FAHD1: variants seen among roughly 807,000 people sequenced by gnomAD.
The protein encoded by FAHD1 is FAH domain containing oxaloacetate decarboxylase 1.
Under a neutral mutation model 12.7 loss-of-function variants are expected in FAHD1, and 14 were observed. The ratio of observed to expected loss-of-function variants is 1.10; its 90% CI spans 0.73 to 1.72. FAHD1 has a LOEUF of 1.72. Among genes scored for constraint, FAHD1 ranks in the 40% most tolerant of loss-of-function variants. FAHD1 has a pLI of 0.00. For missense variants in FAHD1, 351 were observed against 298.9 expected, an observed-to-expected ratio of 1.17 and a Z score of -1.29; for synonymous variants, 153 against 124.9, an observed-to-expected ratio of 1.22 and a Z score of -1.50.
downstream of FAHD1, among the ~76,000 whole-genome samples, chr16:1,833,171 G>A (rs1049128756): frequency 8.5e-5 from 13 of 152,154 alleles, no homozygotes; most frequent in African/African-American, 3.1e-4. Context: ...TCAATGGTGT[G>A]CAGTTGAGCC....
intron 2 of FAHD1, chr16:1,839,156 C>T: frequency 7.3e-7 from 1 of 1,360,780 alleles, no homozygotes; most frequent in East Asian, 2.6e-5. Context: ...ATTAGTGAAT[C>T]AATTTCTATC....
exon 3 of FAHD1, chr16:1,840,192 A>G (rs998054797): frequency 6.6e-6 from 1 of 152,208 alleles, no homozygotes; most frequent in Non-Finnish European, 1.5e-5. Flanking sequence ...TCAATAATAA[A>G]TGTACAGGAA....
downstream of FAHD1, among the ~76,000 whole-genome samples, chr16:1,832,178 C>CTTTTTTTTTTTTT (rs57889123): frequency 4.6e-5 from 5 of 108,816 alleles, no homozygotes; most frequent in Admixed American, 1.1e-4. Flanking sequence ...TATGGTCATT[C>CTTTTTTTTTTTTT]TTTTTTTTTT....
At chr16:1,831,493 C>A (rs72762862), downstream of FAHD1, among the ~76,000 whole-genome samples, 4 of 152,060 alleles carry the variant, frequency 2.6e-5, no homozygotes, top group African/African-American at 7.2e-5. Flanking sequence ...CTTTCCATAG[C>A]TTCCTCAGGT....
At chr16:1,827,652 T>C (rs772186508) in exon 1 of FAHD1, 2 of 1,614,106 alleles carry the variant, frequency 1.2e-6, no homozygotes, top group South Asian at 1.1e-5. Flanking sequence ...AGAAGATCCC[T>C]GACCCTCACA....
intron 2 of FAHD1, chr16:1,839,116 A>T: frequency 1.0e-6 from 1 of 995,264 alleles, no homozygotes; most frequent in South Asian, 1.9e-5. Flanking sequence ...ATGTGTGTTT[A>T]AAGCAAGATG....
exon 1 of FAHD1, chr16:1,827,943 A>G: frequency 6.3e-7 from 1 of 1,590,170 alleles, no homozygotes; most frequent in Non-Finnish European, 8.6e-7. Flanking sequence ...AGGGAGCAAG[A>G]CAAGAGCAAG....
chr16:1,827,826 T>G, exon 1 of FAHD1: 1 of 1,614,084 alleles, frequency 6.2e-7, no homozygotes, highest in Non-Finnish European at 8.5e-7. Flanking sequence ...TTGGACCGGT[T>G]AAAGAAAACG....
downstream of FAHD1, among the ~76,000 whole-genome samples, chr16:1,832,175 A>ATTTT (rs1567269584): frequency 3.5e-4 from 3 of 8,476 alleles, no homozygotes; most frequent in Non-Finnish European, 4.5e-4. Context: ...GGCTATGGTC[A>ATTTT]TTCTTTTTTT....
intron 1 of FAHD1, among the ~76,000 whole-genome samples, chr16:1,835,549 G>A (rs11645599): frequency 0.18 from 27,041 of 152,106 alleles, 2,563 homozygotes; most frequent in South Asian, 0.27. Flanking sequence ...AAGACTTTAA[G>A]TGGGCAATAA....
At chr16:1,832,117 G>GT (rs912026496), downstream of FAHD1, among the ~76,000 whole-genome samples, 1 of 150,266 alleles carries the variant, frequency 6.7e-6, no homozygotes, top group Non-Finnish European at 1.5e-5. Flanking sequence ...TGACAAGACT[G>GT]TTTAAGAATA....
exon 1 of FAHD1, chr16:1,828,053 G>C: frequency 2.9e-6 from 4 of 1,398,286 alleles, no homozygotes; most frequent in Non-Finnish European, 2.8e-6. Flanking sequence ...AGGCCGAGGC[G>C]GGCGGCTCAC....
chr16:1,828,297 A>T lies in FAHD1; in HGVS notation c.*393A>T, dbSNP rs560650084. ...CTCAAAAAAAAAAAAAAAAAAAGAA[A>T]CCATTTATTTTAAAAATGATTAGAT... On this transcript the variant is annotated 3_prime_UTR_variant, in exon 1 of 1. Transcript: ENST00000427358. 5.5e-5 allele frequency: 55 copies of T among 1,004,680 alleles called. No homozygotes were observed. In the African/African-American group the frequency reaches 9.1e-4, roughly 17 times the overall value. 62.2% of individuals were successfully genotyped at this position (1,004,680 alleles called of 1,614,324 possible).
Position 1,828,882 on chromosome 16 carries a change from G to C in FAHD1, c.*978G>C, listed in dbSNP as rs79681924. On this transcript the variant is annotated 3_prime_UTR_variant, in exon 1 of 1. Coordinates refer to ENST00000427358, the Ensembl canonical transcript of FAHD1. ...TTCGGGAGATGATTTTGAAATTACTGTTTTCCAAATAAAGGTGCTCCCTTC... is the reference window on the plus strand; with the variant it reads ...TTCGGGAGATGATTTTGAAATTACTCTTTTCCAAATAAAGGTGCTCCCTTC... The C allele has an allele frequency of 1.1e-3, 1,119 of 1,000,228 alleles. 14 individuals carry two copies. In the African/African-American group the frequency reaches 0.018, roughly 17 times the overall value. The allele number at this position is 1,000,228 out of a possible 1,614,324, so 62.0% of individuals were successfully genotyped here.
chr16:1,837,722 A>G, intron 1 of FAHD1: 1 of 858,656 alleles, frequency 1.2e-6, no homozygotes, highest in Non-Finnish European at 1.8e-6. Context: ...GGTTTTTCTT[A>G]TGGTTTGAAT....
At chr16:1,827,903 G>C (rs150008635) in exon 1 of FAHD1, 28 of 1,610,514 alleles carry the variant, frequency 1.7e-5, no homozygotes, top group Non-Finnish European at 2.3e-5. Context: ...CCAGAATATT[G>C]AGTTATTTCT....
rs976819095 is a variant in FAHD1, at chr16:1,833,978, C to T, written c.628-4038C>T. The T allele has an allele frequency of 1.5e-5, 4 of 270,340 alleles. No homozygotes were observed. In the Admixed American group the frequency reaches 1.6e-4, roughly 11 times the overall value. The allele number at this position is 270,340 out of a possible 1,614,324, so 16.7% of individuals were successfully genotyped here. On this transcript the variant is annotated intron_variant, in intron 1 of 2. Coordinates refer to the FAHD1 transcript ENST00000382666. ...TACATGGAAAAGAAAATAAATCATT[C>T]AAATCTGTAGAAGATTAAATCTGTT...
chr16:1,839,215 T>C (rs1319622352), intron 2 of FAHD1: 3 of 1,513,104 alleles, frequency 2.0e-6, no homozygotes, highest in East Asian at 2.4e-5. Context: ...AGCATTCACT[T>C]TGGAAATATT....
downstream of FAHD1, among the ~76,000 whole-genome samples, chr16:1,829,429 T>C (rs1320280728): frequency 2.0e-5 from 3 of 152,192 alleles, no homozygotes; most frequent in East Asian, 5.8e-4. Flanking sequence ...CTGCGAAGGC[T>C]GGCTAAAGTC....
Sources: gnomAD v4.1 joint callset for allele counts (sites outside exome capture counted in the v4.1 genomes callset) on GRCh38, gnomAD v4.1.1 for gene constraint, MANE v1.5 for transcripts, NCBI Gene and HGNC (gene_info 2026-07-23, HGNC 2026-07-21) for gene names.